APPL1: variants seen among roughly 807,000 people sequenced by gnomAD.
APPL1 encodes adaptor protein, phosphotyrosine interacting with PH domain and leucine zipper 1.
APPL1 carries 42 observed loss-of-function variants against 106.8 expected under a neutral mutation model. The ratio of observed to expected loss-of-function variants is 0.39; its 90% CI spans 0.31 to 0.51. The LOEUF (loss-of-function observed/expected upper bound fraction) is 0.51, where lower values mean the gene tolerates loss of function less well. Ranked by LOEUF, APPL1 falls within the 20% of genes least tolerant of loss-of-function variation. The probability of loss-of-function intolerance (pLI) is 0.75; values close to 1 mark genes in which losing one functional copy is unlikely to be tolerated. For missense variants in APPL1, 769 were observed against 858.2 expected (o/e 0.90, Z 1.30); for synonymous variants, 263 against 281.8 (o/e 0.93, Z 0.67).
At chr3:57,255,565 A>G (rs1428547777) in intron 13 of APPL1, among the ~76,000 whole-genome samples, 2 of 152,214 alleles carry the variant, frequency 1.3e-5, no homozygotes, top group African/African-American at 4.8e-5. Context: ...GTTTTGAACC[A>G]TAGAAACAAA....
chr3:57,235,517 C>G (rs371112117), intron 1 of APPL1, 49 bp from the exon 2 acceptor site: 4 of 1,195,676 alleles, frequency 3.3e-6, no homozygotes, highest in African/African-American at 1.5e-5. Flanking sequence ...ATTTTTCCAT[C>G]TGATTTGTAT....
chr3:57,248,497 T>C, intron 10 of APPL1, 146 bp downstream of exon 10: 2 of 837,112 alleles, frequency 2.4e-6, no homozygotes, highest in South Asian at 2.0e-5. Context: ...GTGAACTTTT[T>C]GACAGATGAA....
rs1313059193 is a variant in APPL1, at chr3:57,270,375, C to G, written c.*688C>G. 1 of 152,624 alleles carries G rather than the reference C, an allele frequency of 6.6e-6. No individual in the cohort carries two copies. Among genetic ancestry groups the G allele is most frequent in the East Asian group, 1.9e-4 (1 of 5,188 alleles). The allele number at this position is 152,624 out of a possible 1,614,324, so 9.5% of individuals were successfully genotyped here. ...GATAGAGCCCTTGGCATTTTATTAT[C>G]ACATTCTTAGTTCTCAGGTTGGGAC... On this transcript the variant is annotated 3_prime_UTR_variant, in exon 22 of 22. Transcript: ENST00000288266.
intron 9 of APPL1, 39 bp from the exon 10 acceptor site, chr3:57,248,154 T>A (rs1253804453): frequency 6.4e-7 from 1 of 1,573,452 alleles, no homozygotes; most frequent in Admixed American, 1.8e-5. Flanking sequence ...GAGTTCTTTA[T>A]TGGTTGTGAT....
At chr3:57,269,353 T>C (rs2107614075) in intron 21 of APPL1, 188 bp from the exon 22 acceptor site, 2 of 512,788 alleles carry the variant, frequency 3.9e-6, no homozygotes, top group South Asian at 4.0e-5. Context: ...CTGGCTTTTA[T>C]AGGATGGTGC....
intron 19 of APPL1, among the ~76,000 whole-genome samples, chr3:57,265,041 T>G (rs1294318092): frequency 6.6e-6 from 1 of 152,180 alleles, no homozygotes; most frequent in Non-Finnish European, 1.5e-5. Flanking sequence ...CTTTGGGTAG[T>G]ATGGACATTT....
intron 11 of APPL1, 141 bp from the exon 12 acceptor site, chr3:57,252,128 A>G: frequency 1.5e-6 from 1 of 684,028 alleles, no homozygotes; most frequent in South Asian, 1.8e-5. Flanking sequence ...TTCCTAAGAT[A>G]CCGTTGGTTG....
At position 57,270,535 on chromosome 3, in the gene APPL1, C is replaced by T. The variant is rs1457760786; in HGVS notation, c.*848C>T. On this transcript the variant is annotated 3_prime_UTR_variant, in exon 22 of 22. Transcript: ENST00000288266. ...ATGGAATGATACATTGTATTTTCTG[C>T]ATTGTGTGAAATAGTTTTTATTGAA... is the stretch of plus-strand genomic sequence containing the variant. 1 of 152,618 alleles carries T rather than the reference C, an allele frequency of 6.6e-6. No individual in the cohort carries two copies. The highest frequency in any genetic ancestry group is 1.9e-4 in the East Asian group (1 of 5,204). The allele number at this position is 152,618 out of a possible 1,614,324, so 9.5% of individuals were successfully genotyped here.
intron 19 of APPL1, among the ~76,000 whole-genome samples, chr3:57,262,384 C>CTTTTTTTTTTTT (rs1281642126): frequency 2.8e-4 from 5 of 17,940 alleles, no homozygotes; most frequent in African/African-American, 1.0e-3. Context: ...TGGAAAATAA[C>CTTTTTTTTTTTT]CTTTTTTTTT....
At position 57,260,077 on chromosome 3, in the gene APPL1, A is replaced by G; in HGVS notation, c.1659-40A>G. On this transcript the variant is annotated intron_variant, in intron 17 of 21. Coordinates refer to ENST00000288266, the MANE Select transcript of APPL1 (RefSeq NM_012096.3). ...AAAAACATTTACATGATTTCAGCCTAATTAAAATTTGTTTTCCAATTTTTA... is the reference window on the plus strand; with the variant it reads ...AAAAACATTTACATGATTTCAGCCTGATTAAAATTTGTTTTCCAATTTTTA... 3 of 1,606,142 alleles carry G rather than the reference A, an allele frequency of 1.9e-6. No homozygotes were observed. The South Asian group carries it at 3.4e-5, about 18-fold the overall frequency.
At chr3:57,239,915 C>T (rs1451804659) in intron 4 of APPL1, among the ~76,000 whole-genome samples, 1 of 152,014 alleles carries the variant, frequency 6.6e-6, no homozygotes, top group Non-Finnish European at 1.5e-5. Flanking sequence ...GAAATGGTAT[C>T]TCATTGTGGT....
intron 10 of APPL1, among the ~76,000 whole-genome samples, chr3:57,249,047 A>G (rs2060789734): frequency 6.6e-6 from 1 of 152,214 alleles, no homozygotes; most frequent in Non-Finnish European, 1.5e-5. Flanking sequence ...CCCTAGAAAT[A>G]AAATAAATTC....
At chr3:57,269,441 TA>T in intron 21 of APPL1, 99 bp from the exon 22 acceptor site, 1 of 1,189,960 alleles carries the variant, frequency 8.4e-7, no homozygotes. Flanking sequence ...CATACATATT[TA>T]TGACAGAAGA....
intron 21 of APPL1, chr3:57,268,834 T>C (rs79993288): frequency 2.3e-4 from 35 of 154,878 alleles, no homozygotes; most frequent in African/African-American, 8.2e-4. Context: ...TAAATATATA[T>C]GTTATATGAA....
In APPL1 at chr3:57,269,793, A is replaced by C; in HGVS notation, c.*106A>C. On this transcript the variant is annotated 3_prime_UTR_variant, in exon 22 of 22. Coordinates refer to ENST00000288266, the MANE Select transcript of APPL1 (RefSeq NM_012096.3). ...AATATCAAGGAGGAGATTAAGCTTT[A>C]TATTTGCTTATTTGTTGTAGCTACA... is the stretch of plus-strand genomic sequence containing the variant. 1 of 1,266,006 alleles carries C rather than the reference A, an allele frequency of 7.9e-7. No individual in the cohort carries two copies. The highest frequency in any genetic ancestry group is 1.1e-6 in the Non-Finnish European group (1 of 909,700). The allele number at this position is 1,266,006 out of a possible 1,614,324, so 78.4% of individuals were successfully genotyped here. A position where few individuals can be genotyped will look rare whatever the true frequency, so the allele number is the denominator to read the frequency against.
At position 57,227,874 on chromosome 3, in the gene APPL1, C is replaced by T; in HGVS notation, c.-10C>T. 4 of 1,462,708 alleles carry T rather than the reference C, an allele frequency of 2.7e-6. No individual in the cohort carries two copies. The highest frequency in any genetic ancestry group is 3.6e-6 in the Non-Finnish European group (4 of 1,104,918). The allele number at this position is 1,462,708 out of a possible 1,614,324, so 90.6% of individuals were successfully genotyped here. ...GCTGCGTCTCCTGCCACCGCCCTCC[C>T]TCCGCCACGATGCCGGGGATCGACA... is the stretch of plus-strand genomic sequence containing the variant. On this transcript the variant is annotated 5_prime_UTR_variant, in exon 1 of 22. Transcript: ENST00000288266.
chr3:57,256,874 A>G, intron 13 of APPL1, 83 bp from the exon 14 acceptor site: 2 of 1,044,964 alleles, frequency 1.9e-6, no homozygotes, highest in Non-Finnish European at 3.0e-6. Flanking sequence ...ACTCAGAAGC[A>G]TTCTAACAAT....
In APPL1 at chr3:57,228,094, A is replaced by G. The variant is rs934374472; in HGVS notation, c.54+157A>G. Reference sequence around the variant, plus strand: ...TCGCAGGCCGCGCCCGGAGTTGTGGAGGCTGGGCCCGCCGCCCAAGGCCCG... The same window carrying G: ...TCGCAGGCCGCGCCCGGAGTTGTGGGGGCTGGGCCCGCCGCCCAAGGCCCG... On this transcript the variant is annotated intron_variant, in intron 1 of 21. Coordinates refer to ENST00000288266, the MANE Select transcript of APPL1 (RefSeq NM_012096.3). This position sits in a 1 kb window ranked among gnomAD's most constrained non-coding sequence, Gnocchi z 4.6. Among the ~76,000 whole-genome samples the G allele has an allele frequency of 1.3e-5, 2 of 151,734 alleles. No homozygotes were observed. The highest frequency in any genetic ancestry group is 2.4e-5 in the African/African-American group (1 of 41,364).
chr3:57,235,071 G>A (rs1441197088), intron 1 of APPL1, among the ~76,000 whole-genome samples: 1 of 152,078 alleles, frequency 6.6e-6, no homozygotes, highest in African/African-American at 2.4e-5. Flanking sequence ...TTGTGCATTC[G>A]GAAAAACCTA....
Sources: gnomAD v4.1 joint callset for allele counts (sites outside exome capture counted in the v4.1 genomes callset) on GRCh38, gnomAD v4.1.1 for gene constraint, Gnocchi (gnomAD v3.1) non-coding constraint, MANE v1.5 for transcripts, NCBI Gene and HGNC (gene_info 2026-07-23, HGNC 2026-07-21) for gene names.